Variants in USH1C observed in about 807,000 individuals in gnomAD.
USH1C encodes the protein USH1 protein network component harmonin.
A neutral mutation model predicts 119.3 loss-of-function variants in USH1C; 90 were observed. That is an observed-to-expected ratio of 0.75 (90% CI 0.64 to 0.90). The LOEUF (loss-of-function observed/expected upper bound fraction) is 0.90, where lower values mean the gene tolerates loss of function less well. USH1C is among the 40% of genes least tolerant of loss of function. USH1C has a pLI of 0.00. For missense variants in USH1C, 1,165 were observed against 1,167.7 expected, an observed-to-expected ratio of 1.00 and a Z score of 0.03; for synonymous variants, 465 against 443.3, an observed-to-expected ratio of 1.05 and a Z score of -0.62.
chr11:17,524,317 G>A (rs2133884392), intron 9 of USH1C, 134 bp downstream of exon 9: 1 of 922,344 alleles, frequency 1.1e-6, no homozygotes, highest in East Asian at 2.6e-5. Flanking sequence ...TCTGCAGGGT[G>A]GGTAGGGCTC....
chr11:17,533,127 C>T (rs2133927310), intron 2 of USH1C, 128 bp downstream of exon 2: 1 of 781,076 alleles, frequency 1.3e-6, no homozygotes, highest in East Asian at 2.5e-5. Flanking sequence ...AATGGTATGT[C>T]CATTTGATTT....
intron 14 of USH1C, chr11:17,517,356 G>C: frequency 6.5e-7 from 1 of 1,548,052 alleles, no homozygotes; most frequent in South Asian, 1.2e-5. Context: ...GGCGGGCAGG[G>C]TAAAGCAGAG....
At chr11:17,519,270 T>C (rs916437312) in intron 14 of USH1C, among the ~76,000 whole-genome samples, 4 of 152,184 alleles carry the variant, frequency 2.6e-5, no homozygotes, top group Admixed American at 6.5e-5. Context: ...AAATTGCTGG[T>C]GCATACAGAG....
At chr11:17,503,961 G>C (rs543645528) in intron 20 of USH1C, among the ~76,000 whole-genome samples, 12 of 152,304 alleles carry the variant, frequency 7.9e-5, no homozygotes, top group Admixed American at 3.9e-4. Context: ...CTGTTGGTGG[G>C]TTATCAGTGA....
rs780034044 is a variant in USH1C at position 17,509,595 on chromosome 11, A to G, written c.1774T>C (p.Ser592Pro). 3.2e-6 allele frequency: 5 copies of G among 1,575,632 alleles called. No homozygotes were observed. Among genetic ancestry groups the G allele is most frequent in the Non-Finnish European group, 3.4e-6 (4 of 1,163,312 alleles). The change falls in exon 18 of 27, where the codon TCC (serine) becomes CCC (proline). Residue 592 changes from serine to proline, a missense_variant. Physicochemically the swap from Ser to Pro is moderately conservative, Grantham distance 74 (BLOSUM62 -1). Transcript: ENST00000005226. The stretch of plus-strand genomic sequence containing the variant: ...GGAGTGCGCTGCACCCATGGAGAGG[A>G]TGAGGCGCTCACATGGCCAGATAAG... ...LPLSGHVSAS[S>P]SPWVQRTPPP...
chr11:17,497,237 C>T (rs920238186), intron 24 of USH1C, among the ~76,000 whole-genome samples: 2 of 152,182 alleles, frequency 1.3e-5, no homozygotes, highest in African/African-American at 4.8e-5. Context: ...GGACTTCTGG[C>T]CCAGCTTTTT....
Position 17,527,056 on chromosome 11 carries a change from A to C in USH1C, c.497-16T>G. The C allele has an allele frequency of 1.9e-6, 3 of 1,552,452 alleles. No individual in the cohort carries two copies. Among genetic ancestry groups the C allele is most frequent in the Non-Finnish European group, 2.6e-6 (3 of 1,147,594 alleles). On this transcript the variant is annotated splice_polypyrimidine_tract_variant and intron_variant, in intron 5 of 26. Transcript: ENST00000005226. ...AGGCCGATGTCTGCGGGAGAAAGGC[A>C]CAGGGGTTAGGACAGCTCCCCCGCC...
At chr11:17,516,200 A>G in intron 15 of USH1C, 41 bp downstream of exon 15, 1 of 1,612,282 alleles carries the variant, frequency 6.2e-7, no homozygotes, top group Non-Finnish European at 8.5e-7. Context: ...ACCCACAGCA[A>G]ACTAAGCAGC....
At chr11:17,498,086 G>T in intron 24 of USH1C, 76 bp downstream of exon 24, 1 of 1,377,558 alleles carries the variant, frequency 7.3e-7, no homozygotes, top group Non-Finnish European at 1.0e-6. Context: ...GCATCCTATT[G>T]TGAGACCTGG....
chr11:17,519,005 G>A (rs553330202), intron 14 of USH1C, among the ~76,000 whole-genome samples: 1 of 150,758 alleles, frequency 6.6e-6, no homozygotes, highest in South Asian at 2.1e-4. Flanking sequence ...TGGGCAACAA[G>A]AGCAAAACTC....
intron 23 of USH1C, among the ~76,000 whole-genome samples, chr11:17,499,503 T>TGGGAA (rs1472053695): frequency 6.6e-6 from 1 of 152,168 alleles, no homozygotes; most frequent in Non-Finnish European, 1.5e-5. Flanking sequence ...GCTTTGTAAG[T>TGGGAA]GGGAAGGACC....
At chr11:17,524,656 G>A in intron 8 of USH1C, 121 bp from the exon 9 acceptor site, 12 of 1,107,804 alleles carry the variant, frequency 1.1e-5, no homozygotes, top group Non-Finnish European at 1.6e-5. Context: ...CAGCCTCTGT[G>A]TCCCTCTCCA....
chr11:17,501,492 C>T lies in USH1C; in HGVS notation c.2270G>A (p.Arg757His), dbSNP rs753703742. 3.3e-5 allele frequency: 54 copies of T among 1,612,930 alleles called. No individual in the cohort carries two copies. In the Admixed American group the frequency reaches 4.3e-4, roughly 13 times the overall value. ...CACATGCCCAGGTACCTTCTTGATGCGTAGGAGCCGGACATCCTTCCCCAT... is the reference window on the plus strand; with the variant it reads ...CACATGCCCAGGTACCTTCTTGATGTGTAGGAGCCGGACATCCTTCCCCAT... ...QIMGKDVRLL[R>H]IKKEGSLDLA... The change falls in exon 22 of 27, where the codon CGC (arginine) becomes CAC (histidine). Residue 757 changes from arginine (R) to histidine (H), a missense_variant. By Grantham distance (29) the Arg-to-His change is conservative. Transcript: ENST00000005226.
At chr11:17,513,236 C>T (rs545237228) in intron 15 of USH1C, among the ~76,000 whole-genome samples, 3 of 152,192 alleles carry the variant, frequency 2.0e-5, no homozygotes, top group Admixed American at 6.5e-5. Flanking sequence ...TCACACACAG[C>T]GTGGAGGACA....
intron 2 of USH1C, among the ~76,000 whole-genome samples, chr11:17,532,968 T>C (rs1000184536): frequency 1.3e-5 from 2 of 152,202 alleles, no homozygotes; most frequent in Non-Finnish European, 1.5e-5. Flanking sequence ...TCATGCTCTA[T>C]AGAATCTATC....
intron 15 of USH1C, among the ~76,000 whole-genome samples, chr11:17,516,035 C>T (rs1233894623): frequency 6.6e-6 from 1 of 152,226 alleles, no homozygotes. Context: ...GGTCTCACAC[C>T]ATGGATCCCT....
intron 8 of USH1C, 132 bp downstream of exon 8, chr11:17,526,215 T>A: frequency 1.3e-6 from 1 of 754,010 alleles, no homozygotes; most frequent in Non-Finnish European, 2.3e-6. Context: ...AAAAAAAGTA[T>A]CATCACCCAT....
At chr11:17,498,346 G>A in intron 23 of USH1C, 75 bp from the exon 24 acceptor site, 1 of 1,356,314 alleles carries the variant, frequency 7.4e-7, no homozygotes, top group Non-Finnish European at 1.1e-6. Context: ...GGCAAAGGGG[G>A]GTCATTGCCA....
Position 17,501,170 on chromosome 11 carries a change from C to T in USH1C, c.2281-20G>A, listed in dbSNP as rs1333776730. On this transcript the variant is annotated intron_variant, in intron 22 of 26. Coordinates refer to ENST00000005226, the MANE Select transcript of USH1C (RefSeq NM_153676.4). ...TCCCTCCTGGTTAGAGGAAAACAGG[C>T]CTTAGGGAGCCAAGCAGACAGCAGC... 6.3e-7 allele frequency: 1 copy of T among 1,593,706 alleles called. No individual in the cohort carries two copies. The highest frequency in any genetic ancestry group is 2.3e-5 in the East Asian group (1 of 44,316).
Sources: allele counts gnomAD v4.1 joint callset (sites outside exome capture counted in the v4.1 genomes callset), GRCh38; gene constraint gnomAD v4.1.1; transcripts MANE v1.5; gene names NCBI Gene and HGNC (gene_info 2026-07-23, HGNC 2026-07-21).